Variants in DOCK9 observed in about 807,000 individuals in gnomAD.
DOCK9 encodes the protein dedicator of cytokinesis protein 9.
A neutral mutation model predicts 263.3 loss-of-function variants in DOCK9; 89 were observed. The ratio of observed to expected loss-of-function variants is 0.34; its 90% CI spans 0.28 to 0.40. DOCK9 has a LOEUF of 0.40. Ranked by LOEUF, DOCK9 falls within the 10% of genes least tolerant of loss-of-function variation. DOCK9 has a pLI of 1.00. For missense variants in DOCK9, 2,140 were observed against 2,603.4 expected (o/e 0.82, Z 3.87); for synonymous variants, 976 against 973.1 (o/e 1.00, Z -0.06).
At chr13:98,859,659 A>G (rs1218291772) in intron 33 of DOCK9, 1 of 151,998 alleles carries the variant, frequency 6.6e-6, no homozygotes, top group African/African-American at 2.4e-5. Context: ...AAAATGTGAT[A>G]AAGACAGGGA....
At chr13:99,073,494 A>T (rs1249748818) in intron 1 of DOCK9, among the ~76,000 whole-genome samples, 1 of 151,934 alleles carries the variant, frequency 6.6e-6, no homozygotes, top group Non-Finnish European at 1.5e-5. Context: ...GGGCCCAAGA[A>T]CCCATGGCTG....
intron 1 of DOCK9, among the ~76,000 whole-genome samples, chr13:99,075,906 CATTCAATAGAGGGG>C (rs1358298901): frequency 6.6e-6 from 1 of 152,106 alleles, no homozygotes. Context: ...TTCAGATTAA[CATTCAATAGAGGGG>C]GGAAGTCTCT....
chr13:98,864,393 G>A (rs973377343), intron 30 of DOCK9, among the ~76,000 whole-genome samples: 3 of 152,208 alleles, frequency 2.0e-5, no homozygotes, highest in African/African-American at 4.8e-5. Flanking sequence ...AAGCTAGGTT[G>A]TGAATTGTCA....
At chr13:98,826,728 C>T in intron 44 of DOCK9, 102 bp downstream of exon 44, 1 of 945,080 alleles carries the variant, frequency 1.1e-6, no homozygotes, top group African/African-American at 1.6e-5. Context: ...CACAAACACA[C>T]AAATCCCCAC....
chr13:98,809,342 G>A lies in DOCK9; in HGVS notation c.5367+10C>T. 1.2e-6 allele frequency: 2 copies of A among 1,609,034 alleles called. No homozygotes were observed. Among genetic ancestry groups the A allele is most frequent in the Non-Finnish European group, 1.7e-6 (2 of 1,175,794 alleles). Reference sequence around the variant, plus strand: ...CTTAGGACAGTCTGCAGAATGGACAGGAGGCTCACCTGCCCGAAGAAGGCT... The same window carrying A: ...CTTAGGACAGTCTGCAGAATGGACAAGAGGCTCACCTGCCCGAAGAAGGCT... On this transcript the variant is annotated intron_variant, in intron 47 of 52. Coordinates refer to ENST00000682017, the MANE Select transcript of DOCK9 (RefSeq NM_001366683.2).
intron 38 of DOCK9, among the ~76,000 whole-genome samples, chr13:98,842,322 T>C (rs2093250931): frequency 6.6e-6 from 1 of 152,212 alleles, no homozygotes; most frequent in South Asian, 2.1e-4. Context: ...GCTCAGCACA[T>C]GCCACTCAAG....
At chr13:99,056,134 G>C (rs1054517044) in intron 1 of DOCK9, among the ~76,000 whole-genome samples, 16 of 152,114 alleles carry the variant, frequency 1.1e-4, no homozygotes, top group Non-Finnish European at 2.1e-4. Context: ...AGTTTCCCTG[G>C]AAATATATAT....
rs538017251 is a variant in DOCK9, at chr13:98,950,229, C to T, written c.243+5206G>A. On this transcript the variant is annotated intron_variant, in intron 2 of 52. Coordinates refer to ENST00000682017, the MANE Select transcript of DOCK9 (RefSeq NM_001366683.2). ...CTGGCAATTCCAAGGCATGAGGTTT[C>T]ACTTCTAGTTGTCTGAGATGCAGCT... 382 of 1,048,336 alleles carry T rather than the reference C, an allele frequency of 3.6e-4. 2 individuals carry two copies. The Middle Eastern group carries it at 0.013, about 36-fold the overall frequency. 64.9% of individuals were successfully genotyped at this position (1,048,336 alleles called of 1,614,324 possible).
At chr13:99,025,743 T>C (rs1443459552) in intron 1 of DOCK9, among the ~76,000 whole-genome samples, 2 of 152,260 alleles carry the variant, frequency 1.3e-5, no homozygotes, top group African/African-American at 2.4e-5. Context: ...AACTTATACA[T>C]GAATGCTCTT....
At chr13:98,995,799 T>C (rs1367029362) in intron 1 of DOCK9, among the ~76,000 whole-genome samples, 3 of 152,174 alleles carry the variant, frequency 2.0e-5, no homozygotes, top group Non-Finnish European at 4.4e-5. Flanking sequence ...GAAGATACTT[T>C]TAAACATGGC....
At chr13:98,804,427 G>C (rs916108243) in intron 49 of DOCK9, among the ~76,000 whole-genome samples, 13 of 152,158 alleles carry the variant, frequency 8.5e-5, no homozygotes, top group African/African-American at 2.7e-4. Context: ...AGTGCCAAAG[G>C]GATCAGTGAA....
intron 2 of DOCK9, among the ~76,000 whole-genome samples, chr13:98,930,856 C>T (rs1486927702): frequency 6.6e-6 from 1 of 152,170 alleles, no homozygotes; most frequent in African/African-American, 2.4e-5. Context: ...GTTGATCAGG[C>T]TGGTCTCGAA....
At chr13:98,879,796 C>A in intron 27 of DOCK9, 102 bp downstream of exon 27, 1 of 944,066 alleles carries the variant, frequency 1.1e-6, no homozygotes. Flanking sequence ...TAGAACAGTC[C>A]TGTAACTGGC....
At chr13:98,922,444 A>C (rs1338568521) in intron 5 of DOCK9, among the ~76,000 whole-genome samples, 1 of 152,186 alleles carries the variant, frequency 6.6e-6, no homozygotes, top group African/African-American at 2.4e-5. Flanking sequence ...GACATACCTC[A>C]ACTGACCACT....
intron 27 of DOCK9, among the ~76,000 whole-genome samples, chr13:98,878,861 G>A (rs143835794): frequency 2.5e-3 from 381 of 152,254 alleles, no homozygotes; most frequent in African/African-American, 8.3e-3. Context: ...AGGCTTCCTC[G>A]GAGAGCCCAG....
chr13:99,003,493 G>A (rs1882763675), intron 1 of DOCK9, among the ~76,000 whole-genome samples: 1 of 152,106 alleles, frequency 6.6e-6, no homozygotes, highest in South Asian at 2.1e-4. Flanking sequence ...CCTACTAGTC[G>A]CATCCCACTG....
At chr13:98,802,470 T>C (rs1438972425) in intron 49 of DOCK9, among the ~76,000 whole-genome samples, 2 of 152,208 alleles carry the variant, frequency 1.3e-5, no homozygotes, top group East Asian at 3.8e-4. Flanking sequence ...ATAAGTATGG[T>C]GACTGCTGGT....
chr13:98,929,038 T>C (rs1027849636), intron 3 of DOCK9, among the ~76,000 whole-genome samples: 38 of 152,136 alleles, frequency 2.5e-4, no homozygotes, highest in African/African-American at 8.7e-4. Flanking sequence ...ATAGCTTCCT[T>C]ATAGTAAGCA....
At chr13:99,025,625 C>T (rs1241156131) in intron 1 of DOCK9, among the ~76,000 whole-genome samples, 6 of 152,164 alleles carry the variant, frequency 3.9e-5, no homozygotes, top group East Asian at 1.9e-4. Context: ...AGCGTAGCCG[C>T]TATGGAAAAT....
Sources: allele counts gnomAD v4.1 joint callset (sites outside exome capture counted in the v4.1 genomes callset), GRCh38; gene constraint gnomAD v4.1.1; transcripts MANE v1.5; gene names NCBI Gene and HGNC (gene_info 2026-07-23, HGNC 2026-07-21).